The following IRAK3 variants were observed in gnomAD, a reference collection of about 807,000 sequenced individuals.
IRAK3 encodes the protein interleukin 1 receptor associated kinase 3.
A neutral mutation model predicts 56.6 loss-of-function variants in IRAK3; 57 were observed. That is an observed-to-expected ratio of 1.01 (90% CI 0.81 to 1.26). The LOEUF (loss-of-function observed/expected upper bound fraction) is 1.26. Ranked by LOEUF, IRAK3 falls within the 50% of genes most tolerant of loss-of-function variation. IRAK3 has a pLI of 0.00. For synonymous variants in IRAK3, 258 were observed against 255.7 expected (o/e 1.01, Z -0.09); for missense variants, 703 against 719.0 (o/e 0.98, Z 0.25).
chr12:66,211,315 G>A lies in IRAK3; in HGVS notation c.437-131G>A, dbSNP rs571572574. On this transcript the variant is annotated intron_variant, in intron 4 of 11. Coordinates refer to ENST00000261233, the MANE Select transcript of IRAK3 (RefSeq NM_007199.3). ...GTGCAGAGAGCACATGGTGGTCTTC[G>A]GCTTTGGTTCCTGGGCCTTTCTCTA... is the stretch of plus-strand genomic sequence containing the variant. 27 of 650,768 alleles carry A rather than the reference G, an allele frequency of 4.1e-5. No individual in the cohort carries two copies. The African/African-American group carries it at 4.4e-4, about 10-fold the overall frequency. 40.3% of individuals were successfully genotyped at this position (650,768 alleles called of 1,614,324 possible).
intron 1 of IRAK3, chr12:66,197,112 G>A: frequency 2.3e-6 from 3 of 1,306,908 alleles, no homozygotes; most frequent in Non-Finnish European, 2.9e-6. Context: ...AACTTCTTAG[G>A]TTGACTTTTT....
Position 66,234,515 on chromosome 12 carries a change from T to A in IRAK3, c.887+6145T>A, listed in dbSNP as rs573079169. On this transcript the variant is annotated intron_variant, in intron 8 of 11. Transcript: ENST00000261233. ...GTTTTGTATAGCAGCTGTAGTTGGGTCGTAAGTAAGTGTCATTCCAGTAAG... is the reference window on the plus strand; with the variant it reads ...GTTTTGTATAGCAGCTGTAGTTGGGACGTAAGTAAGTGTCATTCCAGTAAG... 23 of 1,611,998 alleles carry A rather than the reference T, an allele frequency of 1.4e-5. No individual in the cohort carries two copies. The Admixed American group carries it at 3.8e-4, about 27-fold the overall frequency.
intron 6 of IRAK3, among the ~76,000 whole-genome samples, chr12:66,224,225 AG>A (rs1278652917): frequency 5.3e-5 from 8 of 152,198 alleles, no homozygotes; most frequent in African/African-American, 1.9e-4. Context: ...TCCATTTTGC[AG>A]ATGAGGAAAC....
At chr12:66,194,092 C>T (rs975362211) in intron 1 of IRAK3, among the ~76,000 whole-genome samples, 5 of 152,188 alleles carry the variant, frequency 3.3e-5, no homozygotes, top group Non-Finnish European at 4.4e-5. Flanking sequence ...CCACACCTGG[C>T]GAAGTTTTTG....
At chr12:66,193,773 G>T (rs537684796) in intron 1 of IRAK3, among the ~76,000 whole-genome samples, 2 of 152,282 alleles carry the variant, frequency 1.3e-5, no homozygotes, top group African/African-American at 4.8e-5. Context: ...TCCAGGGTCG[G>T]TACTATTTAC....
At chr12:66,205,515 T>C (rs189555004) in intron 2 of IRAK3, among the ~76,000 whole-genome samples, 121 of 152,334 alleles carry the variant, frequency 7.9e-4, no homozygotes, top group Middle Eastern at 3.4e-3. Flanking sequence ...TATGTAGTTG[T>C]TAAAAGTGAG....
intron 4 of IRAK3, 148 bp downstream of exon 4, chr12:66,210,349 TTTGA>T (rs1190974294): frequency 6.4e-6 from 4 of 623,382 alleles, no homozygotes; most frequent in African/African-American, 3.7e-5. Flanking sequence ...ATAACTTCAA[TTTGA>T]TTGACACTTA....
intron 1 of IRAK3, among the ~76,000 whole-genome samples, chr12:66,195,623 T>A (rs1565797687): frequency 6.6e-6 from 1 of 152,196 alleles, no homozygotes; most frequent in Non-Finnish European, 1.5e-5. Context: ...TCCTTCATGT[T>A]TTTGTTTAAC....
At position 66,218,887 on chromosome 12, in the gene IRAK3, T is replaced by G. The variant is rs142705379; in HGVS notation, c.653+1652T>G. ...TACTCTCTGCTTCTCTACGTTTGAC[T>G]TTTTTAGCTTCCACATATAAGTGAG... On this transcript the variant is annotated intron_variant, in intron 6 of 11. Transcript: ENST00000261233. Among the ~76,000 whole-genome samples, 192 of 152,332 alleles carry G rather than the reference T, an allele frequency of 1.3e-3. 1 individual carries two copies. Among genetic ancestry groups the G allele is most frequent in the Admixed American group, 1.4e-3 (21 of 15,306 alleles).
Position 66,215,788 on chromosome 12 carries a change from A to ACGTGCACGTGCGCGCGCG in IRAK3, c.589-1382_589-1381insGTGCACGTGCGCGCGCGC, listed in dbSNP as rs375264640. Among the ~76,000 whole-genome samples, 172 of 131,676 alleles carry ACGTGCACGTGCGCGCGCG rather than the reference A, an allele frequency of 1.3e-3. 2 individuals are homozygous for ACGTGCACGTGCGCGCGCG. Among genetic ancestry groups the ACGTGCACGTGCGCGCGCG allele is most frequent in the African/African-American group, 3.2e-3 (113 of 35,544 alleles). 86.4% of individuals were successfully genotyped at this position (131,676 alleles called of 152,430 possible). A position where few individuals can be genotyped will look rare whatever the true frequency, so the allele number is the denominator to read the frequency against. ...CGCCCCCTATTTTAACCCAACATGC[A>ACGTGCACGTGCGCGCGCG]CACACACACACACACACACACACAC... is the stretch of plus-strand genomic sequence containing the variant. On this transcript the variant is annotated intron_variant, in intron 5 of 11. Transcript: ENST00000261233.
At chr12:66,189,459 C>G (rs1051517881) in intron 1 of IRAK3, 27 bp downstream of exon 1, 2 of 1,155,862 alleles carry the variant, frequency 1.7e-6, no homozygotes, top group Non-Finnish European at 2.1e-6. Context: ...CGGCCGGGGG[C>G]GGCGGGGGAG....
At position 66,252,065 on chromosome 12, in the gene IRAK3, G is replaced by A. The variant is rs2053105137; in HGVS notation, c.*3894G>A. On this transcript the variant is annotated 3_prime_UTR_variant, in exon 12 of 12. Coordinates refer to ENST00000261233, the MANE Select transcript of IRAK3 (RefSeq NM_007199.3). ...TCAGGATGGCTATTCAAGGAATTGG[G>A]GATCCACAGCAGCTGTGCACAACCA... 1 of 152,188 alleles carries A rather than the reference G, an allele frequency of 6.6e-6. No homozygotes were observed. Among genetic ancestry groups the A allele is most frequent in the Non-Finnish European group, 1.5e-5 (1 of 68,042 alleles). The allele number at this position is 152,188 out of a possible 1,614,324, so 9.4% of individuals were successfully genotyped here.
intron 1 of IRAK3, among the ~76,000 whole-genome samples, chr12:66,201,629 T>C (rs1417128782): frequency 1.3e-5 from 2 of 152,212 alleles, no homozygotes; most frequent in Non-Finnish European, 1.5e-5. Flanking sequence ...AAAGGCAATA[T>C]AAATTTTTGC....
At chr12:66,189,473 A>G (rs2052378521) in intron 1 of IRAK3, 41 bp downstream of exon 1, 1 of 1,118,646 alleles carries the variant, frequency 8.9e-7, no homozygotes, top group Non-Finnish European at 1.1e-6. Context: ...GGGGGAGCCC[A>G]GCGCGCCGCG....
chr12:66,204,220 T>A (rs1405849953), intron 2 of IRAK3, among the ~76,000 whole-genome samples: 1 of 152,224 alleles, frequency 6.6e-6, no homozygotes, highest in Non-Finnish European at 1.5e-5. Context: ...TCTGAAACTC[T>A]TTGAGTCATA....
intron 5 of IRAK3, among the ~76,000 whole-genome samples, chr12:66,214,260 A>G (rs2052642853): frequency 6.6e-6 from 1 of 152,034 alleles, no homozygotes. Context: ...ATGGTGGCTC[A>G]TGCCTGTAAT....
intron 4 of IRAK3, 50 bp downstream of exon 4, chr12:66,210,251 C>A: frequency 9.4e-7 from 1 of 1,066,204 alleles, no homozygotes; most frequent in Non-Finnish European, 1.5e-6. Flanking sequence ...ATCATACTTT[C>A]ATTTAAGTGA....
At chr12:66,199,319 G>T (rs1409540083) in intron 1 of IRAK3, among the ~76,000 whole-genome samples, 1 of 152,272 alleles carries the variant, frequency 6.6e-6, no homozygotes, top group East Asian at 1.9e-4. Flanking sequence ...GTCATAGGTC[G>T]ATGGCAGTGC....
intron 1 of IRAK3, among the ~76,000 whole-genome samples, chr12:66,192,078 T>C (rs1260065998): frequency 6.6e-6 from 1 of 152,198 alleles, no homozygotes; most frequent in Non-Finnish European, 1.5e-5. Flanking sequence ...TCAGGAAGTC[T>C]GGGTTGAGGG....
Sources: gnomAD v4.1 joint callset for allele counts (sites outside exome capture counted in the v4.1 genomes callset) on GRCh38, gnomAD v4.1.1 for gene constraint, MANE v1.5 for transcripts, NCBI Gene and HGNC (gene_info 2026-07-23, HGNC 2026-07-21) for gene names.